PRH1: variants seen among roughly 807,000 people sequenced by gnomAD.
PRH1 encodes proline rich protein HaeIII subfamily 1.
PRH1 carries 7 observed loss-of-function variants against 7.9 expected under a neutral mutation model. That is an observed-to-expected ratio of 0.89 (90% confidence interval 0.50 to 1.67). The LOEUF (loss-of-function observed/expected upper bound fraction) is 1.67, where lower values mean the gene tolerates loss of function less well. PRH1 is among the 40% of genes most tolerant of loss of function. The pLI is 0.00. For missense variants in PRH1, 109 were observed against 223.6 expected, an observed-to-expected ratio of 0.49 and a Z score of 3.27; for synonymous variants, 45 against 80.8, an observed-to-expected ratio of 0.56 and a Z score of 2.38.
chr12:11,159,737 T>C (rs1417492246), intron 1 of PRH1: 5 of 152,212 alleles, frequency 3.3e-5, no homozygotes, highest in Non-Finnish European at 7.3e-5. Context: ...CTGACAGCTT[T>C]ATAGTCAAAC....
intron 1 of PRH1, among the ~76,000 whole-genome samples, chr12:11,008,620 G>A (rs560323863): frequency 1.5e-3 from 226 of 152,260 alleles, no homozygotes; most frequent in Non-Finnish European, 2.5e-3. Flanking sequence ...ACTGTGTATA[G>A]GTGCAATCCT....
intron 1 of PRH1, among the ~76,000 whole-genome samples, chr12:11,060,601 T>G (rs1420804452): frequency 6.6e-6 from 1 of 152,138 alleles, no homozygotes; most frequent in African/African-American, 2.4e-5. Flanking sequence ...AAACTGATAA[T>G]AGCAATCAAG....
chr12:11,040,937 AACAGC>A (rs1453388569), intron 1 of PRH1, among the ~76,000 whole-genome samples: 1 of 152,184 alleles, frequency 6.6e-6, no homozygotes, highest in Non-Finnish European at 1.5e-5. Context: ...TCTCAAACCT[AACAGC>A]ATAGAATGGA....
chr12:11,130,631 C>T (rs1385342488), intron 1 of PRH1, among the ~76,000 whole-genome samples: 2 of 105,230 alleles, frequency 1.9e-5, no homozygotes, highest in African/African-American at 5.9e-5. Flanking sequence ...GCATAGTGGG[C>T]ATTATAGGAC....
At chr12:10,922,999 T>C (rs996722732) in intron 2 of PRH1, among the ~76,000 whole-genome samples, 8 of 150,382 alleles carry the variant, frequency 5.3e-5, no homozygotes, top group African/African-American at 1.7e-4. Context: ...CGGCTAATTT[T>C]TTGTATTTTT....
rs1284465696 is a variant in PRH1 at position 11,092,506 on chromosome 12, C to T, written n.124-45318G>A. 3.5e-5 allele frequency among the ~76,000 whole-genome samples: 4 copies of T among 115,236 alleles called. 2 individuals are homozygous for T. Among genetic ancestry groups the T allele is most frequent in the Non-Finnish European group, 8.2e-5 (4 of 48,722 alleles). 75.6% of individuals were successfully genotyped at this position (115,236 alleles called of 152,430 possible). ...GCTTTTATTCCCTTATTTGTCCCCT[C>T]CCATTTTCCTTTTTTGTCCTATCAG... On this transcript the variant is annotated intron_variant and non_coding_transcript_variant, in intron 1 of 4. Transcript: ENST00000541977.
intron 2 of PRH1, among the ~76,000 whole-genome samples, chr12:10,939,471 G>A (rs1436634621): frequency 1.3e-5 from 2 of 151,368 alleles, no homozygotes; most frequent in African/African-American, 4.9e-5. Flanking sequence ...GAAGTCTTTT[G>A]TAGCTGGTGA....
intron 1 of PRH1, among the ~76,000 whole-genome samples, chr12:11,106,897 A>G (rs1403701181): frequency 1.3e-5 from 2 of 152,220 alleles, no homozygotes; most frequent in African/African-American, 2.4e-5. Context: ...TACTAGTTGT[A>G]TAACTGCTTT....
In PRH1 at chr12:10,930,452, C is replaced by G; in HGVS notation, c.-59+43203G>C. 4 of 1,456,352 alleles carry G rather than the reference C, an allele frequency of 2.7e-6. No homozygotes were observed. In the South Asian group the frequency reaches 5.0e-5, roughly 18 times the overall value. The allele number at this position is 1,456,352 out of a possible 1,614,324, so 90.2% of individuals were successfully genotyped here. On this transcript the variant is annotated intron_variant, in intron 2 of 3. Coordinates refer to the PRH1 transcript ENST00000539853. ...AAACAGTTTTCTCCCAACCTTGATT[C>G]TGGGGACCATGAGTAAAGAAATTTG...
intron 1 of PRH1, among the ~76,000 whole-genome samples, chr12:11,005,525 G>C (rs983517847): frequency 6.6e-6 from 1 of 152,034 alleles, no homozygotes; most frequent in South Asian, 2.1e-4. Flanking sequence ...CTTATCAAAA[G>C]AATCCAAGGT....
chr12:10,990,799 G>A (rs1939896821), intron 1 of PRH1, among the ~76,000 whole-genome samples: 1 of 152,092 alleles, frequency 6.6e-6, no homozygotes, highest in African/African-American at 2.4e-5. Context: ...TGTTTTTGAG[G>A]GTAGAACCAA....
intron 1 of PRH1, among the ~76,000 whole-genome samples, chr12:11,020,058 C>T (rs1941520352): frequency 1.3e-5 from 2 of 152,266 alleles, no homozygotes; most frequent in African/African-American, 4.8e-5. Flanking sequence ...AGTGATATTT[C>T]CCCTAGAATT....
At chr12:11,123,323 T>C (rs773009108) in intron 1 of PRH1, among the ~76,000 whole-genome samples, 6 of 152,116 alleles carry the variant, frequency 3.9e-5, no homozygotes, top group African/African-American at 7.2e-5. Context: ...TACAATTCCT[T>C]TGTGTATATA....
intron 1 of PRH1, among the ~76,000 whole-genome samples, chr12:11,046,000 A>G (rs1052965635): frequency 1.3e-5 from 2 of 152,186 alleles, no homozygotes; most frequent in African/African-American, 4.8e-5. Context: ...TGTAAAAAGG[A>G]TGTATATGAC....
chr12:10,936,221 G>A (rs554252841), intron 2 of PRH1, among the ~76,000 whole-genome samples: 2 of 151,846 alleles, frequency 1.3e-5, no homozygotes, highest in Admixed American at 6.6e-5. Context: ...AACCAGTAAG[G>A]TAGATAAGAC....
intron 2 of PRH1, among the ~76,000 whole-genome samples, chr12:10,903,212 A>G (rs1949748091): frequency 1.3e-5 from 2 of 152,314 alleles, no homozygotes; most frequent in African/African-American, 4.8e-5. Context: ...CACTATTCCT[A>G]TATAAGATAA....
chr12:11,023,374 A>G (rs986258505), intron 1 of PRH1, among the ~76,000 whole-genome samples: 8 of 152,194 alleles, frequency 5.3e-5, no homozygotes, highest in Non-Finnish European at 7.3e-5. Flanking sequence ...ACAATGAATA[A>G]TATTTATCAA....
intron 1 of PRH1, among the ~76,000 whole-genome samples, chr12:11,112,444 G>C (rs1945616680): frequency 6.6e-6 from 1 of 151,828 alleles, no homozygotes; most frequent in Non-Finnish European, 1.5e-5. Context: ...ATATAAAAAG[G>C]CTTATCCACC....
In PRH1 at chr12:11,133,958, C is replaced by T. The variant is rs199859319; in HGVS notation, n.40-12778G>A. The stretch of plus-strand genomic sequence containing the variant: ...CATGCTGAGGCTAGTAGCAAGCCAG[C>T]TGCTGAAATGGTTGGTTACTGCCCA... On this transcript the variant is annotated intron_variant and non_coding_transcript_variant, in intron 1 of 1. Coordinates refer to the PRH1 transcript ENST00000541175. The T allele has an allele frequency of 1.5e-5, 25 of 1,613,916 alleles. No homozygotes were observed. The Admixed American group carries it at 1.7e-4, about 11-fold the overall frequency.
Sources: allele counts gnomAD v4.1 joint callset (sites outside exome capture counted in the v4.1 genomes callset), GRCh38; gene constraint gnomAD v4.1.1; transcripts MANE v1.5; gene names NCBI Gene and HGNC (gene_info 2026-07-23, HGNC 2026-07-21).